SDHC: variants seen among roughly 807,000 people sequenced by gnomAD.
The protein encoded by SDHC is succinate dehydrogenase complex subunit C, also known as succinate dehydrogenase cytochrome b560 subunit, mitochondrial.
SDHC carries 11 observed loss-of-function variants against 22.6 expected under a neutral mutation model. The ratio of observed to expected loss-of-function variants is 0.49; its 90% CI spans 0.31 to 0.81. The LOEUF (loss-of-function observed/expected upper bound fraction) is 0.81, where lower values mean the gene tolerates loss of function less well. Among genes scored for constraint, SDHC ranks in the 30% least tolerant of loss-of-function variants. SDHC has a pLI of 0.05. For missense variants in SDHC, 160 were observed against 212.0 expected (o/e 0.75, Z 1.52); for synonymous variants, 80 against 77.8 (o/e 1.03, Z -0.15).
At chr1:161,322,659 C>T (rs534076882) in intron 1 of SDHC, among the ~76,000 whole-genome samples, 7 of 151,730 alleles carry the variant, frequency 4.6e-5, no homozygotes, top group Admixed American at 2.0e-4. Context: ...TTCTGCCTCC[C>T]GGGCTCAAGT....
chr1:161,316,630 A>G (rs1670628835), intron 1 of SDHC, among the ~76,000 whole-genome samples: 1 of 152,196 alleles, frequency 6.6e-6, no homozygotes, highest in Non-Finnish European at 1.5e-5. Context: ...CAATGCCAAG[A>G]AAGGTATATT....
At chr1:161,347,409 A>G (rs1374055461) in intron 4 of SDHC, among the ~76,000 whole-genome samples, 1 of 151,838 alleles carries the variant, frequency 6.6e-6, no homozygotes, top group Non-Finnish European at 1.5e-5. Flanking sequence ...ACCTGCCACC[A>G]TGCCAAACTA....
intron 3 of SDHC, chr1:161,339,514 C>T: frequency 1.8e-6 from 2 of 1,094,130 alleles, no homozygotes; most frequent in Non-Finnish European, 2.4e-6. Context: ...ACCCATGTTT[C>T]TCCTTGCGAA....
rs1185287091 is a variant in SDHC at position 161,338,934 on chromosome 1, C to T, written c.180-1660C>T. On this transcript the variant is annotated intron_variant, in intron 3 of 5. Coordinates refer to ENST00000367975, the MANE Select transcript of SDHC (RefSeq NM_003001.5). ...CGTGATCTCCATTTACGCCAAACTC[C>T]GCCCCCCGGATTCAAGTCATTCTCC... Among the ~76,000 whole-genome samples, 5 of 152,064 alleles carry T rather than the reference C, an allele frequency of 3.3e-5. No individual in the cohort carries two copies. The South Asian group carries it at 6.2e-4, about 19-fold the overall frequency.
intron 4 of SDHC, among the ~76,000 whole-genome samples, chr1:161,344,889 G>C (rs1386889737): frequency 6.6e-6 from 1 of 152,194 alleles, no homozygotes; most frequent in Non-Finnish European, 1.5e-5. Context: ...AATGGCAAGA[G>C]AAATTGGATC....
intron 5 of SDHC, among the ~76,000 whole-genome samples, chr1:161,361,337 T>A (rs1672501956): frequency 6.6e-6 from 1 of 152,016 alleles, no homozygotes; most frequent in Admixed American, 6.6e-5. Context: ...TATATACATA[T>A]CTATTGGGTT....
At chr1:161,317,176 C>T (rs1299114108) in intron 1 of SDHC, among the ~76,000 whole-genome samples, 4 of 151,832 alleles carry the variant, frequency 2.6e-5, no homozygotes, top group South Asian at 2.1e-4. Context: ...GGTCTGCCAC[C>T]ACGCCACCAC....
At chr1:161,335,667 A>G (rs1243224557) in intron 3 of SDHC, among the ~76,000 whole-genome samples, 1 of 152,128 alleles carries the variant, frequency 6.6e-6, no homozygotes, top group African/African-American at 2.4e-5. Context: ...CTCCTGTGAA[A>G]TCAGTATCTG....
At chr1:161,349,135 T>A (rs937448938) in intron 4 of SDHC, among the ~76,000 whole-genome samples, 9 of 152,110 alleles carry the variant, frequency 5.9e-5, no homozygotes, top group Admixed American at 3.3e-4. Flanking sequence ...CTTGAATGGA[T>A]ATAAGAATGG....
chr1:161,314,677 C>G (rs1362604986), intron 1 of SDHC: 20 of 584,784 alleles, frequency 3.4e-5, no homozygotes, highest in Non-Finnish European at 5.5e-5. Context: ...TCTGTTTTCC[C>G]CACCTCCTCT....
chr1:161,315,996 A>C (rs1018544178), intron 1 of SDHC, among the ~76,000 whole-genome samples: 1 of 152,190 alleles, frequency 6.6e-6, no homozygotes, highest in African/African-American at 2.4e-5. Context: ...GGTGTGCTTT[A>C]GATACGTATA....
intron 4 of SDHC, among the ~76,000 whole-genome samples, chr1:161,346,375 G>T (rs1221127839): frequency 6.6e-6 from 1 of 151,738 alleles, no homozygotes; most frequent in Non-Finnish European, 1.5e-5. Context: ...TAAGGAGTAA[G>T]ACAAATATTT....
intron 1 of SDHC, among the ~76,000 whole-genome samples, chr1:161,319,114 A>G (rs1288777826): frequency 6.6e-6 from 1 of 152,018 alleles, no homozygotes; most frequent in Non-Finnish European, 1.5e-5. Flanking sequence ...CCAGCTACTC[A>G]GAAGGCTGAG....
intron 2 of SDHC, among the ~76,000 whole-genome samples, chr1:161,325,935 C>T (rs1243317076): frequency 1.3e-5 from 2 of 152,156 alleles, no homozygotes; most frequent in African/African-American, 4.8e-5. Flanking sequence ...GCACGGTAGC[C>T]ATGCCTGTAA....
chr1:161,361,729 G>T (rs1456466447), intron 5 of SDHC, among the ~76,000 whole-genome samples: 1 of 151,418 alleles, frequency 6.6e-6, no homozygotes, highest in East Asian at 2.0e-4. Context: ...TCTAGTCCCA[G>T]CTACTTGGGA....
intron 3 of SDHC, among the ~76,000 whole-genome samples, chr1:161,335,363 ACT>A (rs753080290): frequency 6.6e-6 from 1 of 151,616 alleles, no homozygotes; most frequent in African/African-American, 2.4e-5. Context: ...ATACTTTGAA[ACT>A]CTAAATATTC....
intron 1 of SDHC, among the ~76,000 whole-genome samples, chr1:161,316,101 AT>A (rs1670601854): frequency 6.6e-6 from 1 of 152,140 alleles, no homozygotes; most frequent in African/African-American, 2.4e-5. Context: ...AGTAGATGGA[AT>A]ATACAATCGG....
chr1:161,329,216 A>T (rs927364864), intron 3 of SDHC, among the ~76,000 whole-genome samples: 9 of 151,682 alleles, frequency 5.9e-5, no homozygotes, highest in African/African-American at 2.2e-4. Context: ...ACAACTTCTT[A>T]AATTATTCAG....
chr1:161,316,941 T>G (rs1022949002), intron 1 of SDHC, among the ~76,000 whole-genome samples: 1 of 152,158 alleles, frequency 6.6e-6, no homozygotes, highest in African/African-American at 2.4e-5. Flanking sequence ...CGGCAATAAC[T>G]TGGGCCCACT....
Sources: gnomAD v4.1 joint callset for allele counts (sites outside exome capture counted in the v4.1 genomes callset) on GRCh38, gnomAD v4.1.1 for gene constraint, MANE v1.5 for transcripts, NCBI Gene and HGNC (gene_info 2026-07-23, HGNC 2026-07-21) for gene names.